The following PCDHGB5 variants were observed in gnomAD, a reference collection of about 807,000 sequenced individuals.
PCDHGB5 encodes the protein protocadherin gamma-B5.
A neutral mutation model predicts 62.9 loss-of-function variants in PCDHGB5; 48 were observed. That is an observed-to-expected ratio of 0.76 (90% CI 0.61 to 0.97). The LOEUF (loss-of-function observed/expected upper bound fraction) is 0.97, where lower values mean the gene tolerates loss of function less well. PCDHGB5 is among the 50% of genes least tolerant of loss of function. The pLI is 0.00. For synonymous variants in PCDHGB5, 474 were observed against 511.2 expected (o/e 0.93, Z 0.98); for missense variants, 1,118 against 1,198.6 (o/e 0.93, Z 0.99).
At chr5:141,422,126 GAGA>G (rs767100115) in intron 1 of PCDHGB5, 2 of 1,601,210 alleles carry the variant, frequency 1.2e-6, no homozygotes, top group South Asian at 2.3e-5. Context: ...TCACAAACTG[GAGA>G]AGTTCAAGTA....
chr5:141,419,138 A>C, intron 1 of PCDHGB5: 1 of 1,613,920 alleles, frequency 6.2e-7, no homozygotes, highest in Non-Finnish European at 8.5e-7. Context: ...AGCCACAGAC[A>C]GGGGCAAGCC....
In PCDHGB5 at chr5:141,486,836, G is replaced by C; in HGVS notation, c.2398-7971G>C. On this transcript the variant is annotated intron_variant, in intron 1 of 3. Coordinates refer to ENST00000617380, the MANE Select transcript of PCDHGB5 (RefSeq NM_018925.3). This position sits in a 1 kb window ranked among gnomAD's most constrained non-coding sequence, Gnocchi z 5.0. ...CAGCACTGTAACAGTTCGTCTATTT[G>C]TGCTGGACCTCAATGACAATGCTCC... 1 of 1,614,242 alleles carries C rather than the reference G, an allele frequency of 6.2e-7. No individual in the cohort carries two copies. The highest frequency in any genetic ancestry group is 8.5e-7 in the Non-Finnish European group (1 of 1,180,046).
At chr5:141,429,486 A>C (rs2097218130) in intron 1 of PCDHGB5, among the ~76,000 whole-genome samples, 1 of 152,114 alleles carries the variant, frequency 6.6e-6, no homozygotes, top group Non-Finnish European at 1.5e-5. Context: ...AGTAGCTGAG[A>C]CTACAGTTGC....
intron 1 of PCDHGB5, among the ~76,000 whole-genome samples, chr5:141,437,076 A>G (rs1018228245): frequency 6.6e-6 from 1 of 152,236 alleles, no homozygotes; most frequent in African/African-American, 2.4e-5. Flanking sequence ...TTTGGGCCAT[A>G]TAAGAATTGA....
chr5:141,432,991 CG>C lies in PCDHGB5; in HGVS notation c.2397+32471del. 1.9e-6 allele frequency: 3 copies of C among 1,614,200 alleles called. No homozygotes were observed. Among genetic ancestry groups the C allele is most frequent in the Non-Finnish European group, 2.5e-6 (3 of 1,180,030 alleles). On this transcript the variant is annotated intron_variant, in intron 1 of 3. Transcript: ENST00000617380. This position sits in a 1 kb window ranked among gnomAD's most constrained non-coding sequence, Gnocchi z 6.0. ...CGGCGTCGCACTTTGTGGGCGTGGACGGGGTGCAGGCTTTCCTGCAGACCTA... is the reference window on the plus strand; with the variant it reads ...CGGCGTCGCACTTTGTGGGCGTGGACGGGTGCAGGCTTTCCTGCAGACCTA...
At chr5:141,409,885 G>A in intron 1 of PCDHGB5, 1 of 1,613,110 alleles carries the variant, frequency 6.2e-7, no homozygotes. Flanking sequence ...ACGCACCGCG[G>A]GTGCTGTACC....
Position 141,491,329 on chromosome 5 carries a change from G to A in PCDHGB5, c.2398-3478G>A. The A allele has an allele frequency of 6.2e-7, 1 of 1,614,142 alleles. No individual in the cohort carries two copies. Among genetic ancestry groups the A allele is most frequent in the Non-Finnish European group, 8.5e-7 (1 of 1,180,022 alleles). On this transcript the variant is annotated intron_variant, in intron 1 of 3. Coordinates refer to ENST00000617380, the MANE Select transcript of PCDHGB5 (RefSeq NM_018925.3). The surrounding 1 kb of genome is among the most constrained non-coding windows in gnomAD (Gnocchi z 6.9). ...AGACCTTACCCTTTACCTCATTGTG[G>A]CTCTAGCGACCGTCAGTCTCTTATC...
At chr5:141,423,806 T>A in intron 1 of PCDHGB5, 1 of 1,251,576 alleles carries the variant, frequency 8.0e-7, no homozygotes, top group African/African-American at 1.6e-5. Flanking sequence ...GCAATACATG[T>A]GAGTTTTACT....
At chr5:141,423,248 C>A in intron 1 of PCDHGB5, 1 of 1,613,888 alleles carries the variant, frequency 6.2e-7, no homozygotes, top group Non-Finnish European at 8.5e-7. Context: ...GAAGTCCTGG[C>A]GGACCTCGGC....
chr5:141,410,781 T>C, intron 1 of PCDHGB5: 2 of 937,378 alleles, frequency 2.1e-6, no homozygotes, highest in Non-Finnish European at 1.5e-6. Flanking sequence ...TCACTATGTA[T>C]TTGGTTCATA....
chr5:141,476,521 C>T lies in PCDHGB5; in HGVS notation c.2398-18286C>T. On this transcript the variant is annotated intron_variant, in intron 1 of 3. Transcript: ENST00000617380. The surrounding 1 kb of genome is among the most constrained non-coding windows in gnomAD (Gnocchi z 7.6). ...ACATCAACGACAACAATCCTGCTTT[C>T]CCTACCCAGGAAATGAAATTGGAGA... 4 of 1,614,214 alleles carry T rather than the reference C, an allele frequency of 2.5e-6. No homozygotes were observed. The highest frequency in any genetic ancestry group is 3.4e-6 in the Non-Finnish European group (4 of 1,180,036).
At chr5:141,423,294 C>T (rs1222440954) in intron 1 of PCDHGB5, 22 of 1,614,036 alleles carry the variant, frequency 1.4e-5, no homozygotes, top group Admixed American at 1.3e-4. Flanking sequence ...AAACCTCAGA[C>T]CTCTCGCTGT....
chr5:141,455,037 C>T (rs1251627513), intron 1 of PCDHGB5, among the ~76,000 whole-genome samples: 1 of 151,744 alleles, frequency 6.6e-6, no homozygotes, highest in Non-Finnish European at 1.5e-5. Flanking sequence ...TGGTCTCGAT[C>T]TCCTGACCTC....
chr5:141,428,067 G>GC, intron 1 of PCDHGB5: 2 of 1,609,228 alleles, frequency 1.2e-6, no homozygotes, highest in Non-Finnish European at 1.7e-6. Context: ...GGTGGACGCA[G>GC]ATTCGGGACA....
In PCDHGB5 at chr5:141,415,739, G is replaced by GTTT. The variant is rs1561759437; in HGVS notation, c.2397+15215_2397+15216insTTT. 6 of 435,150 alleles carry GTTT rather than the reference G, an allele frequency of 1.4e-5. No individual in the cohort carries two copies. The African/African-American group carries it at 1.6e-4, about 12-fold the overall frequency. 27.0% of individuals were successfully genotyped at this position (435,150 alleles called of 1,614,324 possible). ...ATGAGTAGAATTTGATGTTTATTAAGGTTTTTTTTTTTTTTTTTTTTTTTT... is the reference window on the plus strand; with the variant it reads ...ATGAGTAGAATTTGATGTTTATTAAGTTTGTTTTTTTTTTTTTTTTTTTTTTTT... On this transcript the variant is annotated intron_variant, in intron 1 of 3. Transcript: ENST00000617380.
chr5:141,501,017 C>T (rs1383853662), intron 2 of PCDHGB5, among the ~76,000 whole-genome samples: 5 of 151,866 alleles, frequency 3.3e-5, no homozygotes, highest in African/African-American at 7.3e-5. Flanking sequence ...TACAGGCACG[C>T]GCCACCACGC....
chr5:141,427,638 C>A, intron 1 of PCDHGB5: 1 of 708,528 alleles, frequency 1.4e-6, no homozygotes, highest in East Asian at 2.7e-5. Context: ...GGTTTTCCAC[C>A]AAGTCTCCTA....
chr5:141,470,016 C>T (rs116065751), intron 1 of PCDHGB5, among the ~76,000 whole-genome samples: 69 of 152,264 alleles, frequency 4.5e-4, no homozygotes, highest in Non-Finnish European at 7.2e-4. Flanking sequence ...GTAATCCCAG[C>T]TACTCGGGAT....
In PCDHGB5 at chr5:141,432,278, A is replaced by G. The variant is rs923930127; in HGVS notation, c.2397+31754A>G. On this transcript the variant is annotated intron_variant, in intron 1 of 3. Transcript: ENST00000617380. The surrounding 1 kb of genome is among the most constrained non-coding windows in gnomAD (Gnocchi z 6.0). ...GGCAAGCCTATCGTCCTACGTGTCC[A>G]TCAACTCCGACACTGGGGTACTGTA... 3.7e-5 allele frequency: 59 copies of G among 1,614,078 alleles called. No individual in the cohort carries two copies. Among genetic ancestry groups the G allele is most frequent in the Non-Finnish European group, 4.7e-5 (55 of 1,180,036 alleles).
Sources: gnomAD v4.1 joint callset for allele counts (sites outside exome capture counted in the v4.1 genomes callset) on GRCh38, gnomAD v4.1.1 for gene constraint, Gnocchi (gnomAD v3.1) non-coding constraint, MANE v1.5 for transcripts, NCBI Gene and HGNC (gene_info 2026-07-23, HGNC 2026-07-21) for gene names.